CYP46A1: variants seen among roughly 807,000 people sequenced by gnomAD.
CYP46A1 encodes the protein cytochrome P450 family 46 subfamily A member 1.
In CYP46A1, 20 loss-of-function variants were observed where a neutral mutation model predicts 63.3. The ratio of observed to expected loss-of-function variants is 0.32; its 90% CI spans 0.22 to 0.46. CYP46A1 has a LOEUF of 0.46. Among genes scored for constraint, CYP46A1 ranks in the 20% least tolerant of loss-of-function variants. The pLI is 1.00. For synonymous variants in CYP46A1, 268 were observed against 273.6 expected, an observed-to-expected ratio of 0.98 and a Z score of 0.20; for missense variants, 445 against 670.8, an observed-to-expected ratio of 0.66 and a Z score of 3.72.
rs550031516 is a variant in CYP46A1, at chr14:99,684,411, C to T, written c.-7C>T. Reference sequence around the variant, plus strand: ...GACCCTGGCCTGGCCTGCCCTGCCCCGGAGCCATGAGCCCCGGGCTGCTGC... The same window carrying T: ...GACCCTGGCCTGGCCTGCCCTGCCCTGGAGCCATGAGCCCCGGGCTGCTGC... On this transcript the variant is annotated 5_prime_UTR_variant, in exon 1 of 15. Coordinates refer to ENST00000261835, the MANE Select transcript of CYP46A1 (RefSeq NM_006668.2). 1,758 of 1,451,346 alleles carry T rather than the reference C, an allele frequency of 1.2e-3. 24 individuals are homozygous for T. In the African/African-American group the frequency reaches 0.023, roughly 19 times the overall value. The allele number at this position is 1,451,346 out of a possible 1,614,324, so 89.9% of individuals were successfully genotyped here.
At position 99,726,273 on chromosome 14, in the gene CYP46A1, T is replaced by C; in HGVS notation, c.1332+17T>C. On this transcript the variant is annotated intron_variant, in intron 14 of 14. Transcript: ENST00000261835. ...TTTGCTCAGGTAGGAGGGGCAGGGC[T>C]GTGGTTCTGCCCAGGAGTAGCTGCA... 6.2e-7 allele frequency: 1 copy of C among 1,611,390 alleles called. No individual in the cohort carries two copies. The highest frequency in any genetic ancestry group is 1.1e-5 in the South Asian group (1 of 90,926).
chr14:99,710,363 T>TC (rs1254836660), intron 7 of CYP46A1: 1 of 152,008 alleles, frequency 6.6e-6, no homozygotes, highest in African/African-American at 2.4e-5. Flanking sequence ...TAGATTAAAT[T>TC]CCCCCACTTA....
At position 99,722,132 on chromosome 14, in the gene CYP46A1, G is replaced by A. The variant is rs2056853453; in HGVS notation, c.1176+66G>A. 6.5e-6 allele frequency: 8 copies of A among 1,236,646 alleles called. No individual in the cohort carries two copies. The highest frequency in any genetic ancestry group is 3.7e-5 in the South Asian group (3 of 80,022). 76.6% of individuals were successfully genotyped at this position (1,236,646 alleles called of 1,614,324 possible). A position where few individuals can be genotyped will look rare whatever the true frequency, so the allele number is the denominator to read the frequency against. ...CTTGCCCCAATGGTGGTGAATTTGG[G>A]ACTCACCAGGGGAGCCTGTGGCCCT... On this transcript the variant is annotated intron_variant, in intron 12 of 14. Transcript: ENST00000261835. The surrounding 1 kb of genome is among the most constrained non-coding windows in gnomAD (Gnocchi z 4.6).
rs755297177 is a variant in CYP46A1 at position 99,718,007 on chromosome 14, C to T, written c.908-47C>T. The T allele has an allele frequency of 3.3e-5, 49 of 1,479,898 alleles. No individual in the cohort carries two copies. The Middle Eastern group carries it at 8.6e-4, about 26-fold the overall frequency. The allele number at this position is 1,479,898 out of a possible 1,614,324, so 91.7% of individuals were successfully genotyped here. A position where few individuals can be genotyped will look rare whatever the true frequency, so the allele number is the denominator to read the frequency against. On this transcript the variant is annotated intron_variant, in intron 9 of 14. Coordinates refer to ENST00000261835, the MANE Select transcript of CYP46A1 (RefSeq NM_006668.2). The stretch of plus-strand genomic sequence containing the variant: ...AGAGGCAGGCACAAACTGTCTCCTT[C>T]ATCCTGTGGCCCCATGTGGAGCAAC...
intron 12 of CYP46A1, among the ~76,000 whole-genome samples, chr14:99,723,673 C>T (rs1172167662): frequency 6.6e-6 from 1 of 152,204 alleles, no homozygotes; most frequent in African/African-American, 2.4e-5. Flanking sequence ...ATCTTTGTGG[C>T]TTGTCTTCAT....
In CYP46A1 at chr14:99,721,938, C is replaced by T; in HGVS notation, c.1066-18C>T. On this transcript the variant is annotated intron_variant, in intron 11 of 14. Coordinates refer to ENST00000261835, the MANE Select transcript of CYP46A1 (RefSeq NM_006668.2). ...CTCTCCCGACTCTCCTTGTTATCTC[C>T]CCTTGTGGCTTCTCTAGGTCCTCAA... The T allele has an allele frequency of 6.2e-7, 1 of 1,600,298 alleles. No homozygotes were observed. The highest frequency in any genetic ancestry group is 8.6e-7 in the Non-Finnish European group (1 of 1,168,358).
chr14:99,685,251 T>G (rs2056482826), intron 1 of CYP46A1, among the ~76,000 whole-genome samples: 1 of 151,420 alleles, frequency 6.6e-6, no homozygotes, highest in African/African-American at 2.4e-5. Context: ...CTCTGCAGCT[T>G]GCTCTTTCCT....
chr14:99,717,311 T>G (rs1416404661), intron 9 of CYP46A1, among the ~76,000 whole-genome samples: 1 of 152,120 alleles, frequency 6.6e-6, no homozygotes, highest in African/African-American at 2.4e-5. Flanking sequence ...TATGGGGGAC[T>G]GGCCGAGGGC....
In CYP46A1 at chr14:99,691,776, C is replaced by T. The variant is rs768795276; in HGVS notation, c.201-4C>T. On this transcript the variant is annotated splice_region_variant and splice_polypyrimidine_tract_variant and intron_variant, in intron 2 of 14. Transcript: ENST00000261835. ...AGTTTCCTTCGGGTCACTTTGGTTT[C>T]CAGGGCTAAGAAGTATGGACCTGTT... 1.9e-6 allele frequency: 3 copies of T among 1,614,030 alleles called. No individual in the cohort carries two copies. Among genetic ancestry groups the T allele is most frequent in the African/African-American group, 1.3e-5 (1 of 74,918 alleles).
intron 7 of CYP46A1, among the ~76,000 whole-genome samples, chr14:99,714,732 C>A: frequency 6.7e-6 from 1 of 149,878 alleles, no homozygotes; most frequent in Non-Finnish European, 1.5e-5. Flanking sequence ...TGCACTCCAG[C>A]CTGGGCAACA....
At chr14:99,691,700 C>A in intron 2 of CYP46A1, 80 bp from the exon 3 acceptor site, 1 of 1,332,956 alleles carries the variant, frequency 7.5e-7, no homozygotes, top group Non-Finnish European at 1.1e-6. Flanking sequence ...CGGGAAACAT[C>A]GGTTTCTCAG....
intron 3 of CYP46A1, among the ~76,000 whole-genome samples, chr14:99,696,884 G>T (rs1595188275): frequency 6.6e-6 from 1 of 152,154 alleles, no homozygotes; most frequent in East Asian, 1.9e-4. Flanking sequence ...AAAGTTACTT[G>T]CAGATCAGTT....
chr14:99,706,490 C>G, intron 5 of CYP46A1, 157 bp from the exon 6 acceptor site: 1 of 886,838 alleles, frequency 1.1e-6, no homozygotes, highest in Non-Finnish European at 1.7e-6. Flanking sequence ...ACTACAACTC[C>G]AACCTGCAAT....
chr14:99,721,401 C>A, intron 11 of CYP46A1, 78 bp downstream of exon 11: 1 of 1,031,690 alleles, frequency 9.7e-7, no homozygotes, highest in Non-Finnish European at 1.5e-6. Context: ...CTGGACCTTT[C>A]AGGACAGTGG....
chr14:99,703,664 A>G (rs1373960220), intron 5 of CYP46A1: 4 of 983,920 alleles, frequency 4.1e-6, no homozygotes, highest in Non-Finnish European at 4.8e-6. Flanking sequence ...TCATGCCTCC[A>G]TCAAGGCACC....
chr14:99,699,568 G>A, intron 4 of CYP46A1, 29 bp downstream of exon 4: 1 of 1,612,064 alleles, frequency 6.2e-7, no homozygotes, highest in Non-Finnish European at 8.5e-7. Flanking sequence ...AGGCCTGGGT[G>A]GGAGGCCAGG....
At chr14:99,691,574 A>C in intron 2 of CYP46A1, 1 of 596,262 alleles carries the variant, frequency 1.7e-6, no homozygotes, top group South Asian at 2.1e-5. Context: ...GTGGAAACTG[A>C]GGCCTGCTGG....
At position 99,725,414 on chromosome 14, in the gene CYP46A1, G is replaced by A; in HGVS notation, c.1200G>A (p.Arg400=). 6.2e-7 allele frequency: 1 copy of A among 1,614,178 alleles called. No individual in the cohort carries two copies. The part of the protein sequence containing the change: ...PLLFSTYVMG[R]MDTYFEDPLT... ...AGTTCAGCACCTATGTCATGGGGCG[G>A]ATGGACACATACTTTGAGGACCCGC... Residue 400 remains arginine (R), a synonymous_variant, in exon 13 of 15, where the codon CGG becomes CGA. Transcript: ENST00000261835. This position sits in a 1 kb window ranked among gnomAD's most constrained non-coding sequence, Gnocchi z 4.2.
Position 99,699,525 on chromosome 14 carries a change from T to C in CYP46A1, c.342T>C (p.Thr114=), listed in dbSNP as rs769792545. 6.2e-7 allele frequency: 1 copy of C among 1,614,132 alleles called. No homozygotes were observed. Among genetic ancestry groups the C allele is most frequent in the South Asian group, 1.1e-5 (1 of 91,078 alleles). The part of the protein sequence containing the change: ...KDSKMYRALQ[T]VFGERLFGQG... The stretch of plus-strand genomic sequence containing the variant: ...CCAAGATGTACCGTGCGCTCCAGAC[T>C]GTGTTTGGTGAGAGGTAAGGAGGTA... Residue 114 remains threonine, a synonymous_variant, in exon 4 of 15, where the codon ACT becomes ACC. Transcript: ENST00000261835.
Sources: gnomAD v4.1 joint callset for allele counts (sites outside exome capture counted in the v4.1 genomes callset) on GRCh38, gnomAD v4.1.1 for gene constraint, Gnocchi (gnomAD v3.1) non-coding constraint, MANE v1.5 for transcripts, NCBI Gene and HGNC (gene_info 2026-07-23, HGNC 2026-07-21) for gene names.